SGIP1: variants seen among roughly 807,000 people sequenced by gnomAD.
The protein encoded by SGIP1 is SH3GL interacting endocytic adaptor 1, also known as SH3-containing GRB2-like protein 3-interacting protein 1.
SGIP1 carries 38 observed loss-of-function variants against 107.5 expected under a neutral mutation model. The ratio of observed to expected loss-of-function variants is 0.35; its 90% CI spans 0.27 to 0.46. The LOEUF is 0.46. Among genes scored for constraint, SGIP1 ranks in the 20% least tolerant of loss-of-function variants. The pLI, the probability that SGIP1 is intolerant of heterozygous loss-of-function variation, is 1.00. For missense variants in SGIP1, 929 were observed against 1,019.5 expected (o/e 0.91, Z 1.21); for synonymous variants, 365 against 366.1 (o/e 1.00, Z 0.03).
intron 17 of SGIP1, chr1:66,695,118 T>G: frequency 2.2e-6 from 1 of 459,826 alleles, no homozygotes; most frequent in East Asian, 3.3e-5. Flanking sequence ...TTAGTGCAGT[T>G]AAAATATGCT....
intron 1 of SGIP1, among the ~76,000 whole-genome samples, chr1:66,568,407 G>A (rs996829755): frequency 1.3e-5 from 2 of 151,842 alleles, no homozygotes; most frequent in African/African-American, 4.8e-5. Context: ...GAGATGATGG[G>A]GTGTTCTAAA....
chr1:66,615,283 C>G (rs756855499), intron 1 of SGIP1, among the ~76,000 whole-genome samples: 1 of 151,962 alleles, frequency 6.6e-6, no homozygotes, highest in Non-Finnish European at 1.5e-5. Flanking sequence ...TACAGGCATG[C>G]GCCCTACTCC....
intron 1 of SGIP1, among the ~76,000 whole-genome samples, chr1:66,619,075 G>A (rs980925096): frequency 2.0e-5 from 3 of 152,094 alleles, no homozygotes; most frequent in Admixed American, 6.5e-5. Context: ...CCTAAAGAGC[G>A]GTCATTGCCA....
At position 66,703,907 on chromosome 1, in the gene SGIP1, T is replaced by C. The variant is rs187897591; in HGVS notation, c.1630+8414T>C. 3.1e-3 allele frequency among the ~76,000 whole-genome samples: 466 copies of C among 152,090 alleles called. 2 individuals carry two copies. Among genetic ancestry groups the C allele is most frequent in the African/African-American group, 0.011 (444 of 41,512 alleles). On this transcript the variant is annotated intron_variant, in intron 18 of 24. Transcript: ENST00000371037. ...GTGTGTGTGTGTGTGTATGCGTTTA[T>C]GCATGAGCTCTGGAATAAGCCTTCT...
chr1:66,695,749 G>A (rs1557661718), intron 18 of SGIP1, among the ~76,000 whole-genome samples: 1 of 152,040 alleles, frequency 6.6e-6, no homozygotes, highest in South Asian at 2.1e-4. Context: ...AATTAACTAT[G>A]GTCAATTGAA....
chr1:66,637,455 T>G (rs67621132), intron 4 of SGIP1, among the ~76,000 whole-genome samples: 1,068 of 38,460 alleles, frequency 0.028, 37 homozygotes, highest in African/African-American at 0.1. Context: ...GTGTGTGTGT[T>G]TGTGTGTGTG....
At chr1:66,596,341 C>T (rs2064695339) in intron 1 of SGIP1, among the ~76,000 whole-genome samples, 1 of 152,052 alleles carries the variant, frequency 6.6e-6, no homozygotes, top group South Asian at 2.1e-4. Context: ...GGGGTGGTTC[C>T]CCTACCAGAA....
chr1:66,629,268 A>G (rs2073692175), intron 2 of SGIP1, among the ~76,000 whole-genome samples: 1 of 152,166 alleles, frequency 6.6e-6, no homozygotes, highest in Non-Finnish European at 1.5e-5. Context: ...GAATTTCCTG[A>G]TTTGGTCATC....
Position 66,690,149 on chromosome 1 carries a change from C to G in SGIP1, c.1444-41C>G. ...AAAATATGGAGCAAAAATACTGCAA[C>G]CTGTGTATCTAACTTTTCATCTCTT... On this transcript the variant is annotated intron_variant, in intron 16 of 24. Transcript: ENST00000371037. 1.9e-6 allele frequency: 3 copies of G among 1,607,254 alleles called. No homozygotes were observed. The South Asian group carries it at 3.3e-5, about 18-fold the overall frequency.
At chr1:66,656,571 G>A (rs1322681343) in intron 7 of SGIP1, among the ~76,000 whole-genome samples, 3 of 152,220 alleles carry the variant, frequency 2.0e-5, no homozygotes, top group African/African-American at 4.8e-5. Context: ...AATCTTATGG[G>A]ACCACCATCG....
intron 7 of SGIP1, among the ~76,000 whole-genome samples, chr1:66,657,556 A>G (rs1312269394): frequency 2.6e-5 from 4 of 152,208 alleles, no homozygotes; most frequent in Non-Finnish European, 1.5e-5. Flanking sequence ...GCATTTTACC[A>G]TGTTATTTGG....
intron 8 of SGIP1, among the ~76,000 whole-genome samples, chr1:66,663,551 G>C (rs1284544783): frequency 4.6e-5 from 7 of 151,984 alleles, no homozygotes; most frequent in Non-Finnish European, 7.4e-5. Flanking sequence ...CCTTCCATTT[G>C]CTCCTGGAAT....
intron 1 of SGIP1, among the ~76,000 whole-genome samples, chr1:66,616,425 G>T (rs1196338606): frequency 6.8e-6 from 1 of 147,224 alleles, no homozygotes; most frequent in Non-Finnish European, 1.5e-5. Context: ...TGCATAAAGT[G>T]ATGTACAATA....
intron 12 of SGIP1, 33 bp downstream of exon 12, chr1:66,673,399 GT>G: frequency 6.5e-7 from 1 of 1,539,128 alleles, no homozygotes; most frequent in Non-Finnish European, 8.7e-7. Context: ...TTATAGATTT[GT>G]TTTTTCTTTT....
intron 7 of SGIP1, among the ~76,000 whole-genome samples, chr1:66,647,165 T>TCTTA (rs1434113724): frequency 2.0e-5 from 3 of 152,106 alleles, no homozygotes; most frequent in Non-Finnish European, 4.4e-5. Flanking sequence ...GGTAAAAGAG[T>TCTTA]CTTACTCCAG....
At chr1:66,570,429 C>T (rs2060227255) in intron 1 of SGIP1, among the ~76,000 whole-genome samples, 1 of 151,818 alleles carries the variant, frequency 6.6e-6, no homozygotes, top group Admixed American at 6.6e-5. Flanking sequence ...GTGTAAAATA[C>T]TTTACAATGT....
At chr1:66,688,679 T>C (rs1412624776) in intron 15 of SGIP1, among the ~76,000 whole-genome samples, 1 of 152,220 alleles carries the variant, frequency 6.6e-6, no homozygotes, top group African/African-American at 2.4e-5. Context: ...AAAAGCATAA[T>C]TCTCTTAACC....
At chr1:66,708,189 A>C (rs2092659487) in intron 18 of SGIP1, among the ~76,000 whole-genome samples, 2 of 152,190 alleles carry the variant, frequency 1.3e-5, no homozygotes, top group South Asian at 2.1e-4. Flanking sequence ...ATTTAATTTC[A>C]CTAAGGTTTA....
chr1:66,710,882 G>A (rs1360377207), intron 18 of SGIP1, among the ~76,000 whole-genome samples: 1 of 152,084 alleles, frequency 6.6e-6, no homozygotes, highest in Non-Finnish European at 1.5e-5. Context: ...TCAAAAGAAA[G>A]ACAAGAAACT....
Sources: gnomAD v4.1 joint callset for allele counts (sites outside exome capture counted in the v4.1 genomes callset) on GRCh38, gnomAD v4.1.1 for gene constraint, MANE v1.5 for transcripts, NCBI Gene and HGNC (gene_info 2026-07-23, HGNC 2026-07-21) for gene names.